Variants in SMIM36 observed in about 807,000 individuals in gnomAD.
The protein encoded by SMIM36 is small integral membrane protein 36.
At chr17:55,469,270 C>G (rs1401251399) in intron 3 of SMIM36, among the ~76,000 whole-genome samples, 1 of 152,182 alleles carries the variant, frequency 6.6e-6, no homozygotes, top group African/African-American at 2.4e-5. Flanking sequence ...CCACTTGCCC[C>G]AAAATTGCCT....
At chr17:55,499,116 G>T (rs1445454742) in intron 1 of SMIM36, among the ~76,000 whole-genome samples, 1 of 151,982 alleles carries the variant, frequency 6.6e-6, no homozygotes, top group Admixed American at 6.6e-5. Flanking sequence ...TTCAGGCTTA[G>T]TCCAACTCTG....
At chr17:55,455,912 G>A (rs1042980001) in intron 4 of SMIM36, among the ~76,000 whole-genome samples, 6 of 151,998 alleles carry the variant, frequency 3.9e-5, no homozygotes, top group Non-Finnish European at 7.4e-5. Flanking sequence ...GAGGTCAAGA[G>A]TTTGAGACCA....
chr17:55,510,175 G>A (rs1013297770), intron 1 of SMIM36, among the ~76,000 whole-genome samples: 1 of 151,836 alleles, frequency 6.6e-6, no homozygotes, highest in African/African-American at 2.4e-5. Context: ...AGTAGAAGAG[G>A]CAGGATTTGA....
At chr17:55,523,045 G>A in the SMIM36 span, among the ~76,000 whole-genome samples, 1 of 152,178 alleles carries the variant, frequency 6.6e-6, no homozygotes, top group Non-Finnish European at 1.5e-5. Context: ...AGAGGTCCTA[G>A]TTTAATGCTG....
At chr17:55,525,201 A>G in the SMIM36 span, among the ~76,000 whole-genome samples, 1 of 152,188 alleles carries the variant, frequency 6.6e-6, no homozygotes, top group Non-Finnish European at 1.5e-5. Context: ...GCCTTCTGTT[A>G]GCACCAACCT....
intron 4 of SMIM36, among the ~76,000 whole-genome samples, chr17:55,456,886 G>A (rs1909034809): frequency 6.6e-6 from 1 of 152,078 alleles, no homozygotes; most frequent in Admixed American, 6.6e-5. Flanking sequence ...AAATTGAGAG[G>A]CTTTCAAAGT....
At chr17:55,458,899 C>T (rs1211502230) in intron 4 of SMIM36, among the ~76,000 whole-genome samples, 1 of 152,166 alleles carries the variant, frequency 6.6e-6, no homozygotes, top group African/African-American at 2.4e-5. Context: ...TCTTCCAGTA[C>T]ACCAAGGCAA....
chr17:55,480,757 C>T (rs755352088), intron 1 of SMIM36, among the ~76,000 whole-genome samples: 5 of 152,156 alleles, frequency 3.3e-5, no homozygotes, highest in Admixed American at 2.0e-4. Flanking sequence ...TGGCCTAATC[C>T]TGTAGCTGCT....
chr17:55,527,074 T>C, the SMIM36 span: 3 of 152,248 alleles, frequency 2.0e-5, no homozygotes, highest in Admixed American at 6.5e-5. Flanking sequence ...TGATCTTTTG[T>C]TTGGCAGATT....
At chr17:55,477,342 C>T (rs1909441960) in intron 3 of SMIM36, among the ~76,000 whole-genome samples, 1 of 152,166 alleles carries the variant, frequency 6.6e-6, no homozygotes, top group South Asian at 2.1e-4. Flanking sequence ...TCTCTGGCTT[C>T]CAGTGTTTAC....
the SMIM36 span, among the ~76,000 whole-genome samples, chr17:55,522,496 A>G: frequency 6.6e-6 from 1 of 152,226 alleles, no homozygotes; most frequent in African/African-American, 2.4e-5. Flanking sequence ...ACAAATTCAC[A>G]TCTTACATAT....
chr17:55,459,932 G>A (rs1909107412), intron 4 of SMIM36, among the ~76,000 whole-genome samples: 1 of 152,140 alleles, frequency 6.6e-6, no homozygotes, highest in Non-Finnish European at 1.5e-5. Context: ...GTTGGTGGCT[G>A]TAGTAAGCTA....
intron 1 of SMIM36, among the ~76,000 whole-genome samples, chr17:55,488,073 C>T (rs1446033263): frequency 2.6e-5 from 4 of 152,150 alleles, no homozygotes; most frequent in Non-Finnish European, 4.4e-5. Context: ...AAAATTAAAC[C>T]TTTTTCAGGT....
chr17:55,484,273 T>C (rs540546964), intron 1 of SMIM36, among the ~76,000 whole-genome samples: 1 of 152,334 alleles, frequency 6.6e-6, no homozygotes, highest in South Asian at 2.1e-4. Context: ...TGATTCTGTA[T>C]ACATTGCACT....
At chr17:55,469,942 A>G (rs973924331) in intron 3 of SMIM36, among the ~76,000 whole-genome samples, 1 of 151,552 alleles carries the variant, frequency 6.6e-6, no homozygotes, top group Non-Finnish European at 1.5e-5. Flanking sequence ...AGATTGTGCC[A>G]TTGTACTCCA....
At chr17:55,468,861 T>C (rs1555620478) in intron 3 of SMIM36, among the ~76,000 whole-genome samples, 1 of 152,104 alleles carries the variant, frequency 6.6e-6, no homozygotes, top group Non-Finnish European at 1.5e-5. Flanking sequence ...CAATACAAAC[T>C]GGGCAATAGT....
chr17:55,494,518 T>C (rs1054583923), intron 1 of SMIM36, among the ~76,000 whole-genome samples: 19 of 152,242 alleles, frequency 1.2e-4, no homozygotes, highest in South Asian at 2.1e-4. Flanking sequence ...CCATTACACA[T>C]AGACAAACTC....
At chr17:55,458,874 C>T (rs1909082849) in intron 4 of SMIM36, among the ~76,000 whole-genome samples, 1 of 152,278 alleles carries the variant, frequency 6.6e-6, no homozygotes, top group East Asian at 1.9e-4. Context: ...TCTCCAAGCC[C>T]ACGTGTGATT....
intron 1 of SMIM36, among the ~76,000 whole-genome samples, chr17:55,481,986 C>T (rs190563271): frequency 4.6e-5 from 7 of 152,262 alleles, no homozygotes; most frequent in Non-Finnish European, 7.3e-5. Context: ...CATGTGTCAC[C>T]GTGTCCAGCC....
Sources: allele counts gnomAD v4.1 joint callset (sites outside exome capture counted in the v4.1 genomes callset), GRCh38; gene constraint gnomAD v4.1.1; transcripts MANE v1.5; gene names NCBI Gene and HGNC (gene_info 2026-07-23, HGNC 2026-07-21).